ESYT2: variants seen among roughly 807,000 people sequenced by gnomAD.
ESYT2 encodes the protein extended synaptotagmin-2.
In ESYT2, 54 loss-of-function variants were observed where a neutral mutation model predicts 107.2. The ratio of observed to expected loss-of-function variants is 0.50; its 90% CI spans 0.40 to 0.63. The LOEUF (loss-of-function observed/expected upper bound fraction) is 0.63, where lower values mean the gene tolerates loss of function less well. ESYT2 is among the 30% of genes least tolerant of loss of function. The pLI is 0.00. For synonymous variants in ESYT2, 491 were observed against 434.1 expected (o/e 1.13, Z -1.63); for missense variants, 1,020 against 1,094.5 (o/e 0.93, Z 0.96).
chr7:158,761,596 T>C, intron 10 of ESYT2, 52 bp from the exon 11 acceptor site: 3 of 1,504,578 alleles, frequency 2.0e-6, no homozygotes, highest in South Asian at 1.1e-5. Context: ...CATTTCTTAC[T>C]GAAACAACTT....
At chr7:158,823,620 C>A (rs1049572998) in intron 1 of ESYT2, among the ~76,000 whole-genome samples, 2 of 152,056 alleles carry the variant, frequency 1.3e-5, no homozygotes, top group African/African-American at 4.8e-5. Context: ...GCCACCGCAC[C>A]CAGCCCTGAT....
At chr7:158,758,382 T>C (rs1837839611) in intron 13 of ESYT2, among the ~76,000 whole-genome samples, 1 of 152,170 alleles carries the variant, frequency 6.6e-6, no homozygotes, top group Non-Finnish European at 1.5e-5. Context: ...CTATGAAGCG[T>C]AGTCTGACCA....
At chr7:158,769,106 A>G (rs965633856) in intron 7 of ESYT2, among the ~76,000 whole-genome samples, 7 of 152,220 alleles carry the variant, frequency 4.6e-5, no homozygotes, top group Non-Finnish European at 1.0e-4. Flanking sequence ...GATAATCGTC[A>G]GCGTTCAACA....
At chr7:158,790,615 A>G (rs1839257384) in intron 4 of ESYT2, among the ~76,000 whole-genome samples, 1 of 152,196 alleles carries the variant, frequency 6.6e-6, no homozygotes, top group African/African-American at 2.4e-5. Context: ...TTTCCAATGT[A>G]AAACACTGTA....
chr7:158,829,010 G>A (rs1840546952), intron 1 of ESYT2, 79 bp downstream of exon 1: 1 of 1,519,252 alleles, frequency 6.6e-7, no homozygotes, highest in Middle Eastern at 2.2e-4. Flanking sequence ...GCAGGTCGCG[G>A]GGAGGGGAGT....
intron 3 of ESYT2, among the ~76,000 whole-genome samples, chr7:158,795,497 C>T (rs905123518): frequency 2.4e-4 from 36 of 152,234 alleles, no homozygotes; most frequent in African/African-American, 8.2e-4. Context: ...CCTGACTCTA[C>T]AGCCCTGGAG....
rs111901228 is a variant in ESYT2 at position 158,772,231 on chromosome 7, T to C, written c.803+1110A>G. 9.2e-3 allele frequency among the ~76,000 whole-genome samples: 1,409 copies of C among 152,336 alleles called. 18 individuals carry two copies. The highest frequency in any genetic ancestry group is 0.03 in the African/African-American group (1,263 of 41,572). On this transcript the variant is annotated intron_variant, in intron 7 of 22. Coordinates refer to ENST00000275418, the MANE Select transcript of ESYT2 (RefSeq NM_001367773.1). ...CTCTTTAACCAATCTTTTAAAGTTG[T>C]GCTTTCTTTCCGCAGATCTTTTAAA...
At chr7:158,822,995 T>G (rs1467430415) in intron 1 of ESYT2, among the ~76,000 whole-genome samples, 1 of 151,682 alleles carries the variant, frequency 6.6e-6, no homozygotes, top group Non-Finnish European at 1.5e-5. Flanking sequence ...TTTCATCCAT[T>G]ATTAAAAGAA....
intron 6 of ESYT2, among the ~76,000 whole-genome samples, chr7:158,783,217 C>T (rs1236519467): frequency 6.6e-6 from 1 of 152,166 alleles, no homozygotes; most frequent in African/African-American, 2.4e-5. Flanking sequence ...TGTCAGGTTT[C>T]AACTGGAATG....
rs1266391228 is a variant in ESYT2, at chr7:158,803,843, G to C, written c.331-4771C>G. ...GTGAGGCGCGCGACAAACCCAAACC[G>C]TCGAGAAGGGTGAGGCGCGCGACAA... On this transcript the variant is annotated intron_variant, in intron 1 of 22. Transcript: ENST00000275418. Among the ~76,000 whole-genome samples the C allele has an allele frequency of 3.4e-5, 4 of 118,460 alleles. 1 individual carries two copies. In the South Asian group the frequency reaches 1.2e-3, roughly 36 times the overall value. The allele number at this position is 118,460 out of a possible 152,430, so 77.7% of individuals were successfully genotyped here. A position where few individuals can be genotyped will look rare whatever the true frequency, so the allele number is the denominator to read the frequency against.
In ESYT2 at chr7:158,772,097, G is replaced by A. The variant is rs572555098; in HGVS notation, c.803+1244C>T. ...AGACTGTAACACTGCACTCCAGCCT[G>A]GGCAACAGAGTGAGATTCCATCTCA... On this transcript the variant is annotated intron_variant, in intron 7 of 22. Coordinates refer to ENST00000275418, the MANE Select transcript of ESYT2 (RefSeq NM_001367773.1). Among the ~76,000 whole-genome samples the A allele has an allele frequency of 5.6e-4, 85 of 151,924 alleles. 1 individual carries two copies. The highest frequency in any genetic ancestry group is 2.0e-3 in the African/African-American group (81 of 41,412).
chr7:158,809,474 CAAAAAAAAAA>C (rs67422901), intron 1 of ESYT2, among the ~76,000 whole-genome samples: 7 of 49,742 alleles, frequency 1.4e-4, no homozygotes, highest in African/African-American at 6.4e-4. Context: ...GAATCCATCT[CAAAAAAAAAA>C]AAAAAAAAAA....
At chr7:158,797,043 A>G (rs367887587) in intron 3 of ESYT2, among the ~76,000 whole-genome samples, 2 of 2,424 alleles carry the variant, frequency 8.3e-4, no homozygotes, top group Non-Finnish European at 3.8e-3. Context: ...GCAGCAGGAC[A>G]GCCTCCCGAC....
chr7:158,742,762 C>T (rs1362550428), intron 17 of ESYT2, among the ~76,000 whole-genome samples: 1 of 152,206 alleles, frequency 6.6e-6, no homozygotes, highest in East Asian at 1.9e-4. Context: ...AATAACGCTG[C>T]GGTGAACATC....
intron 1 of ESYT2, among the ~76,000 whole-genome samples, chr7:158,821,965 C>A (rs1400260631): frequency 6.6e-6 from 1 of 152,126 alleles, no homozygotes; most frequent in Non-Finnish European, 1.5e-5. Context: ...TTCTTCTGAG[C>A]CACCGTGACA....
chr7:158,783,801 G>A (rs1839011995), intron 6 of ESYT2, among the ~76,000 whole-genome samples: 1 of 152,212 alleles, frequency 6.6e-6, no homozygotes, highest in Non-Finnish European at 1.5e-5. Flanking sequence ...GACGACCCCA[G>A]GGAGGACACT....
In ESYT2 at chr7:158,734,131, G is replaced by A. The variant is rs1393937782; in HGVS notation, c.*76C>T. 1 of 1,471,712 alleles carries A rather than the reference G, an allele frequency of 6.8e-7. No individual in the cohort carries two copies. The highest frequency in any genetic ancestry group is 1.4e-5 in the African/African-American group (1 of 71,276). 91.2% of individuals were successfully genotyped at this position (1,471,712 alleles called of 1,614,324 possible). On this transcript the variant is annotated 3_prime_UTR_variant, in exon 23 of 23. Coordinates refer to ENST00000275418, the MANE Select transcript of ESYT2 (RefSeq NM_001367773.1). ...TCCATGAAATTATAAAAATAACATT[G>A]GTACGTCTGTGAGAGGGTGTGTTCC...
In ESYT2 at chr7:158,739,045, T is replaced by C; in HGVS notation, c.2245A>G (p.Ile749Val). The C allele has an allele frequency of 1.2e-6, 2 of 1,614,064 alleles. No individual in the cohort carries two copies. Among genetic ancestry groups the C allele is most frequent in the East Asian group, 4.5e-5 (2 of 44,850 alleles). Residue 749 changes from isoleucine to valine, a missense_variant, in exon 19 of 23, where the codon ATC becomes GTC. Coordinates refer to ENST00000275418, the MANE Select transcript of ESYT2 (RefSeq NM_001367773.1). ...CACCTGCAGGCATGCACGACCACGA[T>C]AAGCTTGTTTCTCTGCGAGCTGTGC... Reference protein sequence around the residue: ...IRHSSQRNKLIVVVHACRNLI... With the variant: ...IRHSSQRNKLVVVVHACRNLI...
intron 1 of ESYT2, among the ~76,000 whole-genome samples, chr7:158,821,018 T>C (rs1840272532): frequency 6.6e-6 from 1 of 152,166 alleles, no homozygotes; most frequent in Non-Finnish European, 1.5e-5. Context: ...TACATATAAA[T>C]TGGACTAGTT....
Sources: allele counts gnomAD v4.1 joint callset (sites outside exome capture counted in the v4.1 genomes callset), GRCh38; gene constraint gnomAD v4.1.1; transcripts MANE v1.5; gene names NCBI Gene and HGNC (gene_info 2026-07-23, HGNC 2026-07-21).